Variants in MYLK observed in about 807,000 individuals in gnomAD.
MYLK encodes the protein myosin light chain kinase, smooth muscle.
MYLK carries 106 observed loss-of-function variants against 203.4 expected under a neutral mutation model. That is an observed-to-expected ratio of 0.52 (90% CI 0.45 to 0.61). MYLK has a LOEUF of 0.61. Ranked by LOEUF, MYLK falls within the 20% of genes least tolerant of loss-of-function variation. The probability of loss-of-function intolerance (pLI) is 0.00; values close to 1 mark genes in which losing one functional copy is unlikely to be tolerated. For missense variants in MYLK, 2,072 were observed against 2,442.3 expected (o/e 0.85, Z 3.20); for synonymous variants, 867 against 959.5 (o/e 0.90, Z 1.78).
At chr3:123,772,070 G>A (rs2063902338) in intron 4 of MYLK, among the ~76,000 whole-genome samples, 1 of 152,082 alleles carries the variant, frequency 6.6e-6, no homozygotes, top group Non-Finnish European at 1.5e-5. Context: ...GGAAAGGTAT[G>A]CACATGCACT....
intron 3 of MYLK, among the ~76,000 whole-genome samples, chr3:123,811,370 A>G (rs1161005284): frequency 6.6e-6 from 1 of 152,204 alleles, no homozygotes; most frequent in African/African-American, 2.4e-5. Context: ...CTCAGGGATC[A>G]TGGGCCTTGA....
Position 123,614,254 on chromosome 3 carries a change from A to G in MYLK, c.5596T>C (p.Ser1866Pro). ...CCGCAAACATCACTAATAATTAAAG[A>G]GCAGTTCCCGTCCTCATCGTAGTCT... ...QIDYDEDGNCSLIISDVCGDD... is the reference protein window; with the variant it reads ...QIDYDEDGNCPLIISDVCGDD... The change falls in exon 34 of 34, where the codon TCT becomes CCT. Residue 1866 changes from serine to proline, a missense_variant. Ser to Pro is a moderately conservative substitution (Grantham distance 74). Around this residue, in one of 3 missense-constraint regions of MYLK, gnomAD observed 524 missense variants for 782.4 expected, o/e 0.67. Coordinates refer to ENST00000360304, the MANE Select transcript of MYLK (RefSeq NM_053025.4). 1.2e-6 allele frequency: 2 copies of G among 1,614,082 alleles called. No individual in the cohort carries two copies. Among genetic ancestry groups the G allele is most frequent in the Non-Finnish European group, 1.7e-6 (2 of 1,180,032 alleles).
intron 2 of MYLK, among the ~76,000 whole-genome samples, chr3:123,854,969 A>G (rs370559746): frequency 4.6e-5 from 7 of 152,212 alleles, no homozygotes; most frequent in African/African-American, 1.7e-4. Flanking sequence ...TCATTTATTT[A>G]TACATAACTT....
intron 6 of MYLK, among the ~76,000 whole-genome samples, chr3:123,739,328 G>T (rs550954627): frequency 6.6e-6 from 1 of 152,310 alleles, no homozygotes; most frequent in Non-Finnish European, 1.5e-5. Flanking sequence ...CTGAGCCCTG[G>T]CTGAAAGCCT....
chr3:123,743,669 C>T (rs1329679534), intron 5 of MYLK, among the ~76,000 whole-genome samples: 1 of 152,064 alleles, frequency 6.6e-6, no homozygotes, highest in African/African-American at 2.4e-5. Context: ...GGTATTTGAT[C>T]TTAGATTTTT....
intron 8 of MYLK, 85 bp from the exon 9 acceptor site, chr3:123,735,501 C>T (rs371214862): frequency 4.7e-6 from 7 of 1,501,526 alleles, no homozygotes; most frequent in Non-Finnish European, 6.5e-6. Flanking sequence ...TCCTCATCAC[C>T]GTGGTCCCAC....
At chr3:123,765,106 G>A (rs1470185657) in intron 4 of MYLK, among the ~76,000 whole-genome samples, 11 of 152,268 alleles carry the variant, frequency 7.2e-5, no homozygotes, top group South Asian at 6.2e-4. Context: ...AATTGGAACC[G>A]TCGCACACTG....
intron 4 of MYLK, among the ~76,000 whole-genome samples, chr3:123,756,037 T>C (rs921428800): frequency 6.6e-6 from 1 of 152,192 alleles, no homozygotes; most frequent in South Asian, 2.1e-4. Context: ...GTCGTTTTAC[T>C]GGGCCCATGT....
At chr3:123,825,791 T>C (rs2066095591) in intron 3 of MYLK, among the ~76,000 whole-genome samples, 1 of 152,220 alleles carries the variant, frequency 6.6e-6, no homozygotes. Flanking sequence ...ACTCTGGTCC[T>C]GTACAGCAGG....
intron 19 of MYLK, among the ~76,000 whole-genome samples, chr3:123,686,056 GA>G (rs1442342550): frequency 6.6e-6 from 1 of 152,230 alleles, no homozygotes; most frequent in African/African-American, 2.4e-5. Context: ...GAGTGGGCTC[GA>G]AGGGCCATGT....
At chr3:123,800,766 C>T (rs945610630) in intron 3 of MYLK, among the ~76,000 whole-genome samples, 1 of 152,186 alleles carries the variant, frequency 6.6e-6, no homozygotes, top group Non-Finnish European at 1.5e-5. Flanking sequence ...TCCCTTGATT[C>T]ATATCTGATT....
chr3:123,745,279 C>T (rs2062981836), intron 5 of MYLK, among the ~76,000 whole-genome samples: 1 of 152,058 alleles, frequency 6.6e-6, no homozygotes, highest in Non-Finnish European at 1.5e-5. Flanking sequence ...AGCAACACTC[C>T]CAATCACTGG....
chr3:123,827,935 G>A (rs1219749907), intron 3 of MYLK, among the ~76,000 whole-genome samples: 2 of 151,174 alleles, frequency 1.3e-5, no homozygotes, highest in African/African-American at 4.9e-5. Context: ...AACCAAGGAG[G>A]TGAAAGACCT....
At chr3:123,645,723 A>T (rs948311185) in intron 27 of MYLK, among the ~76,000 whole-genome samples, 2 of 152,224 alleles carry the variant, frequency 1.3e-5, no homozygotes, top group African/African-American at 2.4e-5. Flanking sequence ...AAACCACTCA[A>T]TCTCTATCAA....
intron 4 of MYLK, among the ~76,000 whole-genome samples, chr3:123,784,261 A>C (rs1289801102): frequency 2.0e-5 from 3 of 152,114 alleles, no homozygotes; most frequent in Non-Finnish European, 4.4e-5. Context: ...AGCCACTTAT[A>C]CACGAATCAT....
chr3:123,847,696 C>T (rs2030202694), intron 2 of MYLK, among the ~76,000 whole-genome samples: 1 of 152,020 alleles, frequency 6.6e-6, no homozygotes, highest in African/African-American at 2.4e-5. Context: ...TGTTAATATT[C>T]TTTATGACAT....
In MYLK at chr3:123,642,781, A is replaced by C. The variant is rs1025510636; in HGVS notation, c.4620-2277T>G. On this transcript the variant is annotated intron_variant, in intron 27 of 33. Coordinates refer to ENST00000360304, the MANE Select transcript of MYLK (RefSeq NM_053025.4). This position sits in a 1 kb window ranked among gnomAD's most constrained non-coding sequence, Gnocchi z 4.2. Reference sequence around the variant, plus strand: ...ACCTCACAGGGTGGCTTCAAAGACTAAATGAGTCAACACAGGTAAAGTGCT... The same window carrying C: ...ACCTCACAGGGTGGCTTCAAAGACTCAATGAGTCAACACAGGTAAAGTGCT... 2.6e-5 allele frequency among the ~76,000 whole-genome samples: 4 copies of C among 152,228 alleles called. No individual in the cohort carries two copies. Among genetic ancestry groups the C allele is most frequent in the African/African-American group, 9.6e-5 (4 of 41,456 alleles).
At chr3:123,730,763 A>G (rs2108776938) in intron 11 of MYLK, among the ~76,000 whole-genome samples, 1 of 152,346 alleles carries the variant, frequency 6.6e-6, no homozygotes, top group Middle Eastern at 3.4e-3. Flanking sequence ...GGATGGGAGA[A>G]CAGGGAGTGA....
rs370132689 is a variant in MYLK, at chr3:123,664,091, G to T, written c.3985+14C>A. 7.4e-6 allele frequency: 12 copies of T among 1,613,694 alleles called. No homozygotes were observed. Among genetic ancestry groups the T allele is most frequent in the African/African-American group, 1.3e-5 (1 of 74,904 alleles). ...CTTGCCCCAAGCTCCATGCCACCCA[G>T]CCACCAGACTCACCCACGACAGTGA... is the stretch of plus-strand genomic sequence containing the variant. On this transcript the variant is annotated intron_variant, in intron 23 of 33. Coordinates refer to ENST00000360304, the MANE Select transcript of MYLK (RefSeq NM_053025.4).
Sources: gnomAD v4.1 joint callset for allele counts (sites outside exome capture counted in the v4.1 genomes callset) on GRCh38, gnomAD v4.1.1 for gene constraint, gnomAD v4.1.1 regional missense constraint, Gnocchi (gnomAD v3.1) non-coding constraint, MANE v1.5 for transcripts, NCBI Gene and HGNC (gene_info 2026-07-23, HGNC 2026-07-21) for gene names.